Variants in TEC observed in about 807,000 individuals in gnomAD.
TEC encodes the protein tec protein tyrosine kinase.
Under a neutral mutation model 93.0 loss-of-function variants are expected in TEC, and 72 were observed. The ratio of observed to expected loss-of-function variants is 0.77; its 90% CI spans 0.64 to 0.94. The LOEUF (loss-of-function observed/expected upper bound fraction) is 0.94. TEC is among the 40% of genes least tolerant of loss of function. The pLI is 0.00. For missense variants in TEC, 630 were observed against 757.9 expected (o/e 0.83, Z 1.98); for synonymous variants, 249 against 247.7 (o/e 1.01, Z -0.05).
At chr4:48,212,098 C>CAAAAAAAAAAAA (rs59441112) in intron 2 of TEC, among the ~76,000 whole-genome samples, 1,394 of 85,562 alleles carry the variant, frequency 0.016, 8 homozygotes, top group Non-Finnish European at 0.021. Flanking sequence ...GACTCTGTCT[C>CAAAAAAAAAAAA]AAAAAAAAAA....
At chr4:48,261,650 C>A (rs1724499284) in intron 1 of TEC, among the ~76,000 whole-genome samples, 1 of 152,090 alleles carries the variant, frequency 6.6e-6, no homozygotes, top group Non-Finnish European at 1.5e-5. Context: ...ATTATAATGT[C>A]ACCAAAATTA....
At chr4:48,245,279 G>A (rs1331246547) in intron 1 of TEC, among the ~76,000 whole-genome samples, 3 of 140,546 alleles carry the variant, frequency 2.1e-5, no homozygotes, top group African/African-American at 5.6e-5. Context: ...GCAACACAAC[G>A]AGAGTCCTTC....
At chr4:48,232,323 C>T (rs969020078) in intron 1 of TEC, among the ~76,000 whole-genome samples, 1 of 151,838 alleles carries the variant, frequency 6.6e-6, no homozygotes, top group Non-Finnish European at 1.5e-5. Flanking sequence ...AAAAAAAACA[C>T]CTTATCTGAC....
intron 7 of TEC, among the ~76,000 whole-genome samples, chr4:48,165,630 G>A (rs1008213761): frequency 2.0e-5 from 3 of 152,142 alleles, no homozygotes; most frequent in African/African-American, 7.2e-5. Context: ...CAAGCCTCTA[G>A]CTCTACTCGC....
At chr4:48,207,918 G>A (rs1722770411) in intron 2 of TEC, among the ~76,000 whole-genome samples, 1 of 152,166 alleles carries the variant, frequency 6.6e-6, no homozygotes, top group Admixed American at 6.5e-5. Context: ...CCTAATAGAA[G>A]AAAAGAAGAG....
chr4:48,201,083 G>A (rs1722489298), intron 2 of TEC, among the ~76,000 whole-genome samples: 2 of 152,174 alleles, frequency 1.3e-5, no homozygotes. Flanking sequence ...TCATGGTGGT[G>A]GCACAGATGG....
At chr4:48,221,053 A>G (rs189342293) in intron 2 of TEC, among the ~76,000 whole-genome samples, 53 of 152,358 alleles carry the variant, frequency 3.5e-4, no homozygotes, top group African/African-American at 1.2e-3. Flanking sequence ...CACAGAACCC[A>G]GGGAAAGTGT....
At chr4:48,239,291 A>T (rs1723866528) in intron 1 of TEC, among the ~76,000 whole-genome samples, 1 of 152,202 alleles carries the variant, frequency 6.6e-6, no homozygotes, top group South Asian at 2.1e-4. Flanking sequence ...AATATGAGGT[A>T]AACATATTTT....
In TEC at chr4:48,217,381, C is replaced by T. The variant is rs570001617; in HGVS notation, c.138+11096G>A. On this transcript the variant is annotated intron_variant, in intron 2 of 17. Transcript: ENST00000381501. Reference sequence around the variant, plus strand: ...CCTCCCAAAGTGCTGGGATTACAGGCGTGAGATACCGCGCCCAGCCAGTAA... The same window carrying T: ...CCTCCCAAAGTGCTGGGATTACAGGTGTGAGATACCGCGCCCAGCCAGTAA... 1.1e-4 allele frequency among the ~76,000 whole-genome samples: 17 copies of T among 152,280 alleles called. No homozygotes were observed. In the South Asian group the frequency reaches 2.9e-3, roughly 26 times the overall value.
At chr4:48,182,656 G>A (rs1157955223) in intron 2 of TEC, among the ~76,000 whole-genome samples, 1 of 152,026 alleles carries the variant, frequency 6.6e-6, no homozygotes, top group Non-Finnish European at 1.5e-5. Flanking sequence ...ATGGGAAAAT[G>A]AGGCATTAAG....
In TEC at chr4:48,147,484, T is replaced by C. The variant is rs560017437; in HGVS notation, c.1007-1085A>G. Among the ~76,000 whole-genome samples the C allele has an allele frequency of 7.9e-5, 12 of 152,330 alleles. No homozygotes were observed. The South Asian group carries it at 1.9e-3, about 24-fold the overall frequency. ...AGTCCATCACAGCAATAAACATTAA[T>C]GGCAATTTACATTGTCTAGAATCCC... On this transcript the variant is annotated intron_variant, in intron 11 of 17. Transcript: ENST00000381501.
At position 48,249,395 on chromosome 4, in the gene TEC, T is replaced by C. The variant is rs141036538; in HGVS notation, c.-46+20357A>G. Among the ~76,000 whole-genome samples, 80 of 152,374 alleles carry C rather than the reference T, an allele frequency of 5.3e-4. 1 individual carries two copies. The Middle Eastern group carries it at 0.01, about 19-fold the overall frequency. ...GTTAAATATTATCTCAAGACCACTT[T>C]TGGCAAAACTTGAGTGAAATTCAGT... On this transcript the variant is annotated intron_variant, in intron 1 of 17. Transcript: ENST00000381501.
At chr4:48,151,353 G>A (rs1720156807) in intron 9 of TEC, among the ~76,000 whole-genome samples, 1 of 152,094 alleles carries the variant, frequency 6.6e-6, no homozygotes, top group African/African-American at 2.4e-5. Context: ...TTTTGTATTT[G>A]TTATAAGCTT....
intron 14 of TEC, among the ~76,000 whole-genome samples, chr4:48,141,855 G>A (rs1240854008): frequency 1.3e-5 from 2 of 151,828 alleles, no homozygotes; most frequent in East Asian, 3.9e-4. Flanking sequence ...GCTAATTATT[G>A]TATTTGTTGG....
intron 2 of TEC, among the ~76,000 whole-genome samples, chr4:48,208,847 A>C (rs541862186): frequency 1.0e-3 from 154 of 152,320 alleles, no homozygotes; most frequent in Non-Finnish European, 1.9e-3. Flanking sequence ...TAGGTGCTTA[A>C]AATATTTTTG....
chr4:48,157,193 G>T (rs2109526120), intron 8 of TEC, among the ~76,000 whole-genome samples: 1 of 152,290 alleles, frequency 6.6e-6, no homozygotes, highest in South Asian at 2.1e-4. Flanking sequence ...TGCAGGAAGT[G>T]TCCCTTTGTA....
intron 1 of TEC, among the ~76,000 whole-genome samples, chr4:48,268,187 G>A (rs1360767345): frequency 3.3e-5 from 5 of 152,244 alleles, no homozygotes; most frequent in South Asian, 4.1e-4. Flanking sequence ...AAAGTAGGTT[G>A]AAAATGCTAG....
chr4:48,147,139 C>T (rs537213600), intron 11 of TEC, among the ~76,000 whole-genome samples: 128 of 151,770 alleles, frequency 8.4e-4, no homozygotes, highest in African/African-American at 3.0e-3. Flanking sequence ...TACAGGAACA[C>T]GGAAGAAAAA....
Position 48,269,407 on chromosome 4 carries a change from A to G in TEC, c.-46+345T>C, listed in dbSNP as rs1289520788. Among the ~76,000 whole-genome samples the G allele has an allele frequency of 2.0e-5, 3 of 152,378 alleles. No homozygotes were observed. In the East Asian group the frequency reaches 5.8e-4, roughly 29 times the overall value. On this transcript the variant is annotated intron_variant, in intron 1 of 17. Transcript: ENST00000381501. ...TGCTCGCCGCTGGGACGTGACCCCA[A>G]CGCTGAACTTGCCGCAGGGCGGCCT...
Sources: allele counts gnomAD v4.1 joint callset (sites outside exome capture counted in the v4.1 genomes callset), GRCh38; gene constraint gnomAD v4.1.1; transcripts MANE v1.5; gene names NCBI Gene and HGNC (gene_info 2026-07-23, HGNC 2026-07-21).